SLC7A14: variants seen among roughly 807,000 people sequenced by gnomAD.
The protein encoded by SLC7A14 is solute carrier family 7 member 14.
Under a neutral mutation model 60.2 loss-of-function variants are expected in SLC7A14, and 37 were observed. That is an observed-to-expected ratio of 0.61 (90% CI 0.47 to 0.81). The LOEUF (loss-of-function observed/expected upper bound fraction) is 0.81, where lower values mean the gene tolerates loss of function less well. Among genes scored for constraint, SLC7A14 ranks in the 30% least tolerant of loss-of-function variants. SLC7A14 has a pLI of 0.00. For synonymous variants in SLC7A14, 399 were observed against 395.8 expected (o/e 1.01, Z -0.10); for missense variants, 886 against 982.7 (o/e 0.90, Z 1.32).
chr3:170,479,522 C>T (rs574023340), intron 7 of SLC7A14, among the ~76,000 whole-genome samples: 18 of 152,264 alleles, frequency 1.2e-4, no homozygotes, highest in African/African-American at 4.1e-4. Context: ...TACAGGACTT[C>T]TTGAAGTCCG....
chr3:170,512,405 T>C (rs1248494726), intron 2 of SLC7A14, among the ~76,000 whole-genome samples: 1 of 152,106 alleles, frequency 6.6e-6, no homozygotes, highest in Non-Finnish European at 1.5e-5. Flanking sequence ...AGACCCTTCA[T>C]GACAGGGATG....
intron 2 of SLC7A14, among the ~76,000 whole-genome samples, chr3:170,501,632 T>C (rs929481143): frequency 9.9e-5 from 15 of 152,194 alleles, no homozygotes; most frequent in African/African-American, 3.6e-4. Context: ...TCTATCATGC[T>C]CCTTAGGTGT....
chr3:170,517,136 A>G (rs553678361), intron 2 of SLC7A14, among the ~76,000 whole-genome samples: 2 of 152,354 alleles, frequency 1.3e-5, no homozygotes, highest in East Asian at 1.9e-4. Context: ...GCTGCACAGT[A>G]TTTGCCTAAT....
intron 1 of SLC7A14, among the ~76,000 whole-genome samples, chr3:170,557,918 C>T (rs1269041847): frequency 2.0e-5 from 3 of 152,064 alleles, no homozygotes; most frequent in Non-Finnish European, 2.9e-5. Context: ...AATTAAAAGG[C>T]AAGGAAAGAG....
At chr3:170,520,468 AT>A (rs1467685955) in intron 2 of SLC7A14, among the ~76,000 whole-genome samples, 1 of 152,240 alleles carries the variant, frequency 6.6e-6, no homozygotes, top group Non-Finnish European at 1.5e-5. Context: ...TCCTTTGGAA[AT>A]AGAGAAGAGG....
Position 170,501,148 on chromosome 3 carries a change from G to A in SLC7A14, c.502C>T (p.Arg168Cys), listed in dbSNP as rs770931904. 9.3e-6 allele frequency: 15 copies of A among 1,614,104 alleles called. No individual in the cohort carries two copies. The highest frequency in any genetic ancestry group is 2.2e-5 in the East Asian group (1 of 44,906). The stretch of plus-strand genomic sequence containing the variant: ...GTTCCCACGCTGTCCGCCATCCAGC[G>A]GCTGATGGTGTGGTTGGCTAGTGAG... ...FDSLANHTIS[R>C]WMADSVGTLN... The change falls in exon 3 of 8, where the codon CGC (arginine) becomes TGC (cysteine). Residue 168 changes from arginine (R) to cysteine (C), a missense_variant. Coordinates refer to ENST00000231706, the MANE Select transcript of SLC7A14 (RefSeq NM_020949.3).
intron 4 of SLC7A14, chr3:170,495,560 A>G: frequency 1.3e-6 from 1 of 757,532 alleles, no homozygotes; most frequent in Non-Finnish European, 2.4e-6. Flanking sequence ...GCCTCTCCCG[A>G]GTGAGCAGCA....
Position 170,471,090 on chromosome 3 carries a change from G to GTGTGTGTGT in SLC7A14, c.1994-3714_1994-3713insACACACACA, listed in dbSNP as rs1553864202. Among the ~76,000 whole-genome samples, 355 of 146,448 alleles carry GTGTGTGTGT rather than the reference G, an allele frequency of 2.4e-3. 1 individual carries two copies. Among genetic ancestry groups the GTGTGTGTGT allele is most frequent in the African/African-American group, 8.7e-3 (340 of 39,200 alleles). ...ACTCCCTTTAACCTGTCTGGGAAGG[G>GTGTGTGTGT]GTGTGTGTGTGTGTGTGTGTGTGTG... On this transcript the variant is annotated intron_variant, in intron 7 of 7. Coordinates refer to ENST00000231706, the MANE Select transcript of SLC7A14 (RefSeq NM_020949.3).
chr3:170,515,184 G>A (rs190642459), intron 2 of SLC7A14, among the ~76,000 whole-genome samples: 19 of 152,022 alleles, frequency 1.2e-4, no homozygotes, highest in Admixed American at 6.5e-4. Flanking sequence ...AGGGTGGTAT[G>A]TGCCTCTAAT....
chr3:170,527,190 G>C lies in SLC7A14; in HGVS notation c.-152-102C>G, dbSNP rs73882034. On this transcript the variant is annotated intron_variant, in intron 1 of 7. Coordinates refer to ENST00000231706, the MANE Select transcript of SLC7A14 (RefSeq NM_020949.3). Reference sequence around the variant, plus strand: ...TTAATGTCCTGAACTGGTAGAACTGGTCTACCCGTGTGCTCATAACACGGA... The same window carrying C: ...TTAATGTCCTGAACTGGTAGAACTGCTCTACCCGTGTGCTCATAACACGGA... 4,772 of 528,726 alleles carry C rather than the reference G, an allele frequency of 9.0e-3. 191 individuals carry two copies. Among genetic ancestry groups the C allele is most frequent in the African/African-American group, 0.08 (4,197 of 52,684 alleles). 32.8% of individuals were successfully genotyped at this position (528,726 alleles called of 1,614,324 possible).
intron 4 of SLC7A14, among the ~76,000 whole-genome samples, chr3:170,487,788 T>C (rs1211851143): frequency 6.6e-6 from 1 of 152,216 alleles, no homozygotes; most frequent in Non-Finnish European, 1.5e-5. Context: ...ATTCAGGGCA[T>C]CTAAAAATTT....
Position 170,501,096 on chromosome 3 carries a change from G to A in SLC7A14, c.541+13C>T. 1 of 1,612,728 alleles carries A rather than the reference G, an allele frequency of 6.2e-7. No individual in the cohort carries two copies. Among genetic ancestry groups the A allele is most frequent in the South Asian group, 1.1e-5 (1 of 91,064 alleles). ...GTTTGCATGTTGAGGGTAGGAGGAT[G>A]TGGCAGTCTCACCCAGGCCATTGAG... On this transcript the variant is annotated intron_variant, in intron 3 of 7. Coordinates refer to ENST00000231706, the MANE Select transcript of SLC7A14 (RefSeq NM_020949.3).
chr3:170,533,686 G>GTGTGTGCACGCACACACA (rs1370065219), intron 1 of SLC7A14, among the ~76,000 whole-genome samples: 18 of 151,622 alleles, frequency 1.2e-4, no homozygotes, highest in African/African-American at 1.9e-4. Context: ...TGTGGTGTGT[G>GTGTGTGCACGCACACACA]TGTGTGCACG....
rs142676457 is a variant in SLC7A14 at position 170,477,867 on chromosome 3, T to C, written c.1993+2422A>G. 2.0e-3 allele frequency among the ~76,000 whole-genome samples: 298 copies of C among 152,342 alleles called. 3 individuals carry two copies. The highest frequency in any genetic ancestry group is 7.0e-3 in the African/African-American group (289 of 41,572). On this transcript the variant is annotated intron_variant, in intron 7 of 7. Coordinates refer to ENST00000231706, the MANE Select transcript of SLC7A14 (RefSeq NM_020949.3). The stretch of plus-strand genomic sequence containing the variant: ...GCATTGTACTAGACACTGAAGGCCC[T>C]TTTCAGCTTTAATAGTCTATGAATA...
chr3:170,498,840 C>A lies in SLC7A14; in HGVS notation c.586G>T (p.Ala196Ser), dbSNP rs761119299. The A allele has an allele frequency of 1.9e-6, 3 of 1,614,086 alleles. No individual in the cohort carries two copies. The highest frequency in any genetic ancestry group is 4.5e-5 in the East Asian group (2 of 44,874). The change falls in exon 4 of 8, where the codon GCG (alanine) becomes TCG (serine). Residue 196 changes from alanine to serine, a missense_variant. Ala to Ser is a moderately conservative substitution (Grantham distance 99). Transcript: ENST00000231706. Reference protein sequence around the residue: ...SYPDLLALLIAVIVTIIVALG... With the variant: ...SYPDLLALLISVIVTIIVALG... ...GCAACAATGATGGTCACGATGACCG[C>A]GATCAACAGAGCCAGAAGGTCTGGG... is the stretch of plus-strand genomic sequence containing the variant.
chr3:170,512,969 CTG>C (rs1291623849), intron 2 of SLC7A14, among the ~76,000 whole-genome samples: 1 of 152,168 alleles, frequency 6.6e-6, no homozygotes, highest in African/African-American at 2.4e-5. Flanking sequence ...ACTGGGTAAA[CTG>C]TGGCCGCAGT....
At chr3:170,472,624 G>A (rs1209900558) in intron 7 of SLC7A14, among the ~76,000 whole-genome samples, 3 of 151,756 alleles carry the variant, frequency 2.0e-5, no homozygotes, top group Admixed American at 1.3e-4. Context: ...AAAATTAGCC[G>A]GGCATGGCGG....
Position 170,484,170 on chromosome 3 carries a change from G to A in SLC7A14, c.907-648C>T, listed in dbSNP as rs527670440. ...AGAATCAAGTCCTACTGATTATATG[G>A]CTGTCAGACAACTATGGCTTTGCTT... On this transcript the variant is annotated intron_variant, in intron 5 of 7. Transcript: ENST00000231706. 9.9e-4 allele frequency among the ~76,000 whole-genome samples: 151 copies of A among 152,304 alleles called. 2 individuals carry two copies. The South Asian group carries it at 0.031, about 31-fold the overall frequency.
At chr3:170,559,217 A>G (rs997375461) in intron 1 of SLC7A14, among the ~76,000 whole-genome samples, 2 of 152,254 alleles carry the variant, frequency 1.3e-5, no homozygotes, top group Non-Finnish European at 2.9e-5. Flanking sequence ...TTCAGGGGAC[A>G]AAATATAAAA....
Sources: gnomAD v4.1 joint callset for allele counts (sites outside exome capture counted in the v4.1 genomes callset) on GRCh38, gnomAD v4.1.1 for gene constraint, MANE v1.5 for transcripts, NCBI Gene and HGNC (gene_info 2026-07-23, HGNC 2026-07-21) for gene names.